PRSS55: variants seen among roughly 807,000 people sequenced by gnomAD.
PRSS55 encodes the protein probable serine protease UNQ9391/PRO34284.
In PRSS55, 41 loss-of-function variants were observed where a neutral mutation model predicts 23.6. The ratio of observed to expected loss-of-function variants is 1.74; its 90% CI spans 1.35 to 2.26. The LOEUF (loss-of-function observed/expected upper bound fraction) is 2.26. PRSS55 is among the 30% of genes most tolerant of loss of function. The pLI, the probability that PRSS55 is intolerant of heterozygous loss-of-function variation, is 0.00. For missense variants in PRSS55, 669 were observed against 439.1 expected (o/e 1.52, Z -4.68); for synonymous variants, 262 against 175.5 (o/e 1.49, Z -3.90).
chr8:10,550,745 G>A (rs1270125219), intron 4 of PRSS55, among the ~76,000 whole-genome samples: 1 of 152,200 alleles, frequency 6.6e-6, no homozygotes, highest in Non-Finnish European at 1.5e-5. Flanking sequence ...TCCTGAAGAT[G>A]TCGCTTTCCA....
chr8:10,549,172 C>G (rs932534652), intron 4 of PRSS55, among the ~76,000 whole-genome samples: 21 of 152,090 alleles, frequency 1.4e-4, no homozygotes, highest in African/African-American at 5.1e-4. Context: ...ATAATAAGTG[C>G]TAGGATGGAG....
intron 4 of PRSS55, among the ~76,000 whole-genome samples, chr8:10,533,614 A>C (rs968503475): frequency 1.3e-5 from 2 of 152,190 alleles, no homozygotes; most frequent in African/African-American, 2.4e-5. Context: ...ATAGCCAGAA[A>C]AATAGAAAAA....
downstream of PRSS55, among the ~76,000 whole-genome samples, chr8:10,542,055 G>A (rs1422121600): frequency 2.6e-5 from 4 of 152,186 alleles, no homozygotes; most frequent in African/African-American, 7.2e-5. Flanking sequence ...GTGATGACAG[G>A]CATTAAGTCA....
At chr8:10,534,825 T>C (rs1452752612) in intron 4 of PRSS55, among the ~76,000 whole-genome samples, 4 of 152,218 alleles carry the variant, frequency 2.6e-5, no homozygotes, top group Non-Finnish European at 5.9e-5. Flanking sequence ...CCCCATAGTC[T>C]CTGCCCAAAG....
chr8:10,540,365 G>A (rs1418387031), downstream of PRSS55: 1 of 152,350 alleles, frequency 6.6e-6, no homozygotes, highest in African/African-American at 2.4e-5. Flanking sequence ...GGAAGCTTGG[G>A]CTTTTCCTGG....
At chr8:10,526,304 G>C (rs1341256670) in intron 1 of PRSS55, among the ~76,000 whole-genome samples, 1 of 152,208 alleles carries the variant, frequency 6.6e-6, no homozygotes, top group African/African-American at 2.4e-5. Context: ...TGTGGATGAG[G>C]AACTCAAAGC....
intron 2 of PRSS55, among the ~76,000 whole-genome samples, chr8:10,530,217 C>T (rs1025003034): frequency 2.6e-5 from 4 of 152,248 alleles, no homozygotes; most frequent in Non-Finnish European, 4.4e-5. Context: ...CGCCTGTCAT[C>T]CCAGCACTTC....
chr8:10,543,472 C>CTTTTCTTTTCTGTTCTTTTCT (rs57410388), downstream of PRSS55, among the ~76,000 whole-genome samples: 1 of 29,236 alleles, frequency 3.4e-5, no homozygotes, highest in Non-Finnish European at 1.0e-4. Context: ...TCCTTTCTTT[C>CTTTTCTTTTCTGTTCTTTTCT]TTTCTCTCTT....
intron 2 of PRSS55, among the ~76,000 whole-genome samples, chr8:10,530,612 C>G (rs1812218116): frequency 6.6e-6 from 1 of 152,096 alleles, no homozygotes; most frequent in Non-Finnish European, 1.5e-5. Flanking sequence ...CCCACAGTAC[C>G]CATCTAGTAT....
At chr8:10,535,198 C>A (rs1193733084) in intron 4 of PRSS55, among the ~76,000 whole-genome samples, 2 of 152,110 alleles carry the variant, frequency 1.3e-5, no homozygotes, top group Non-Finnish European at 2.9e-5. Context: ...ACATTATTCA[C>A]AGAATTAGAA....
At chr8:10,531,571 G>A in intron 3 of PRSS55, 26 bp downstream of exon 3, 2 of 1,609,810 alleles carry the variant, frequency 1.2e-6, no homozygotes, top group Non-Finnish European at 1.7e-6. Context: ...GCTTCCCCTG[G>A]GGAAAAAGCC....
In PRSS55 at chr8:10,525,615, G is replaced by A. The variant is rs897603893; in HGVS notation, c.30G>A (p.Leu10=). The part of the protein sequence containing the change: MLLFSVLLL[L]SLVTGTQLGP... The stretch of plus-strand genomic sequence containing the variant: ...TCCTGTTCTCAGTGTTGCTGCTCCT[G>A]TCCCTGGTCACGGGAACTCAGCTCG... The change falls in exon 1 of 5, where the codon CTG becomes CTA. Residue 10 remains leucine (L), a synonymous_variant. Transcript: ENST00000328655. 3 of 1,613,998 alleles carry A rather than the reference G, an allele frequency of 1.9e-6. No individual in the cohort carries two copies. The African/African-American group carries it at 4.0e-5, about 22-fold the overall frequency.
intron 2 of PRSS55, among the ~76,000 whole-genome samples, chr8:10,529,981 C>T (rs1048007307): frequency 2.6e-5 from 4 of 152,188 alleles, no homozygotes; most frequent in Non-Finnish European, 1.5e-5. Flanking sequence ...AGCCAAGCGG[C>T]TTGGTCCAAA....
At chr8:10,554,130 C>T in exon 5 of PRSS55, 1 of 681,024 alleles carries the variant, frequency 1.5e-6, no homozygotes, top group Non-Finnish European at 2.3e-6. Context: ...GTTTTCTGTC[C>T]AAATGACTGA....
intron 4 of PRSS55, among the ~76,000 whole-genome samples, chr8:10,535,483 G>A (rs7843134): frequency 0.19 from 29,011 of 152,166 alleles, 2,980 homozygotes; most frequent in East Asian, 0.33. Flanking sequence ...CTTCCTTTTC[G>A]ATAAATGGTG....
rs71280774 is a variant in PRSS55 at position 10,536,685 on chromosome 8, T to TA, written c.742-1782dup. On this transcript the variant is annotated intron_variant, in intron 4 of 4. Transcript: ENST00000328655. Reference sequence around the variant, plus strand: ...TACACTGTGGAATACTACGAAGCCATAAAAAAAAACAAAATCATATCCTTT... The same window carrying TA: ...TACACTGTGGAATACTACGAAGCCATAAAAAAAAAACAAAATCATATCCTTT... 6.5e-4 allele frequency among the ~76,000 whole-genome samples: 99 copies of TA among 151,310 alleles called. No homozygotes were observed. The South Asian group carries it at 8.8e-3, about 13-fold the overall frequency.
At chr8:10,543,437 T>A (rs1195570964), downstream of PRSS55, among the ~76,000 whole-genome samples, 3 of 22,498 alleles carry the variant, frequency 1.3e-4, no homozygotes, top group African/African-American at 2.3e-4. Context: ...CCTTCCTTCC[T>A]TCCTTCCATC....
intron 4 of PRSS55, among the ~76,000 whole-genome samples, chr8:10,548,898 C>G (rs1008421449): frequency 3.9e-5 from 6 of 152,124 alleles, no homozygotes; most frequent in African/African-American, 1.4e-4. Flanking sequence ...TGGCCAGCCC[C>G]AGAGATCAAA....
At chr8:10,534,156 T>G (rs2117035885) in intron 4 of PRSS55, among the ~76,000 whole-genome samples, 1 of 152,252 alleles carries the variant, frequency 6.6e-6, no homozygotes, top group South Asian at 2.1e-4. Context: ...GCACACAGAA[T>G]TGAGACTTCT....
Sources: allele counts gnomAD v4.1 joint callset (sites outside exome capture counted in the v4.1 genomes callset), GRCh38; gene constraint gnomAD v4.1.1; transcripts MANE v1.5; gene names NCBI Gene and HGNC (gene_info 2026-07-23, HGNC 2026-07-21).